NKX1-2: variants seen among roughly 807,000 people sequenced by gnomAD.
NKX1-2 encodes NK1 homeobox 2.
A neutral mutation model predicts 4.4 loss-of-function variants in NKX1-2; 1 was observed. The observed-to-expected ratio is 0.23, with a 90% CI of 0.08 to 1.08. The LOEUF is 1.08. Ranked by LOEUF, NKX1-2 falls within the 50% of genes least tolerant of loss-of-function variation. The pLI, the probability that NKX1-2 is intolerant of heterozygous loss-of-function variation, is 0.55. For synonymous variants in NKX1-2, 235 were observed against 228.0 expected, an observed-to-expected ratio of 1.03 and a Z score of -0.28; for missense variants, 503 against 464.6, an observed-to-expected ratio of 1.08 and a Z score of -0.76.
In NKX1-2 at chr10:124,448,162, G is replaced by T; in HGVS notation, c.215-15C>A. The T allele has an allele frequency of 6.9e-7, 1 of 1,441,116 alleles. No individual in the cohort carries two copies. The highest frequency in any genetic ancestry group is 9.1e-7 in the Non-Finnish European group (1 of 1,104,868). 89.3% of individuals were successfully genotyped at this position (1,441,116 alleles called of 1,614,324 possible). The stretch of plus-strand genomic sequence containing the variant: ...GCCCGCAGCATCTAGGGGAGAAGGG[G>T]TCGGTGAACAGAAGCCTCTCCAGGT... On this transcript the variant is annotated splice_polypyrimidine_tract_variant and intron_variant, in intron 1 of 1. Transcript: ENST00000451024. This position sits in a 1 kb window ranked among gnomAD's most constrained non-coding sequence, Gnocchi z 4.1.
In NKX1-2 at chr10:124,450,022, G is replaced by A. The variant is rs926032260; in HGVS notation, c.-79C>T. 47 of 1,143,588 alleles carry A rather than the reference G, an allele frequency of 4.1e-5. No homozygotes were observed. The highest frequency in any genetic ancestry group is 5.5e-5 in the Non-Finnish European group (47 of 847,136). 70.8% of individuals were successfully genotyped at this position (1,143,588 alleles called of 1,614,324 possible). On this transcript the variant is annotated 5_prime_UTR_variant, in exon 1 of 2. Transcript: ENST00000451024. Reference sequence around the variant, plus strand: ...TCGGGCTTGCCTTCGGCTGTGGCTTGGCGGTAGCTTTCCAGCCAGGAGCCG... The same window carrying A: ...TCGGGCTTGCCTTCGGCTGTGGCTTAGCGGTAGCTTTCCAGCCAGGAGCCG...
In NKX1-2 at chr10:124,446,013, G is replaced by A. The variant is rs1325816736; in HGVS notation, c.*1416C>T. On this transcript the variant is annotated 3_prime_UTR_variant, in exon 2 of 2. Transcript: ENST00000451024. ...CTACCAAAAAATAGCAAGGAATATG[G>A]TATCCACACAGATCTCGGCTGGCCT... 1 of 152,104 alleles carries A rather than the reference G, an allele frequency of 6.6e-6. No individual in the cohort carries two copies. The highest frequency in any genetic ancestry group is 2.4e-5 in the African/African-American group (1 of 41,398). 9.4% of individuals were successfully genotyped at this position (152,104 alleles called of 1,614,324 possible).
Position 124,449,802 on chromosome 10 carries a change from T to C in NKX1-2, c.142A>G (p.Lys48Glu). 1 of 1,551,672 alleles carries C rather than the reference T, an allele frequency of 6.4e-7. No individual in the cohort carries two copies. Among genetic ancestry groups the C allele is most frequent in the Non-Finnish European group, 8.7e-7 (1 of 1,146,974 alleles). ...AVRPAPREAR[K>E]SLAEVEAGKD... ...CCCGCTTCGACCTCCGCCAAACTTT[T>C]CCTGGCTTCCCGGGGAGCCGGGCGC... Residue 48 changes from lysine to glutamate, a missense_variant, in exon 1 of 2, where the codon AAA becomes GAA. Physicochemically the swap from Lys to Glu is moderately conservative, Grantham distance 56. Transcript: ENST00000451024. The surrounding 1 kb of genome is among the most constrained non-coding windows in gnomAD (Gnocchi z 7.5).
At position 124,446,154 on chromosome 10, in the gene NKX1-2, C is replaced by T. The variant is rs2133790313; in HGVS notation, c.*1275G>A. 6.6e-6 allele frequency: 1 copy of T among 152,140 alleles called. No homozygotes were observed. Among genetic ancestry groups the T allele is most frequent in the Middle Eastern group, 3.4e-3 (1 of 294 alleles). The allele number at this position is 152,140 out of a possible 1,614,324, so 9.4% of individuals were successfully genotyped here. The stretch of plus-strand genomic sequence containing the variant: ...AAAACTAAAGGAAATGTATTCCAAG[C>T]AAAAGTGGCAAGGGAATTTCACAGA... On this transcript the variant is annotated 3_prime_UTR_variant, in exon 2 of 2. Transcript: ENST00000451024.
chr10:124,447,607 C>G lies in NKX1-2; in HGVS notation c.755G>C (p.Ser252Thr). The G allele has an allele frequency of 7.8e-7, 1 of 1,280,518 alleles. No individual in the cohort carries two copies. The highest frequency in any genetic ancestry group is 1.5e-5 in the African/African-American group (1 of 64,750). The allele number at this position is 1,280,518 out of a possible 1,614,324, so 79.3% of individuals were successfully genotyped here. The change falls in exon 2 of 2, where the codon AGT becomes ACT. Residue 252 changes from serine (S) to threonine (T), a missense_variant. Physicochemically the swap from Ser to Thr is moderately conservative, Grantham distance 58. Transcript: ENST00000451024. ...AGCGCCGGTGCCGGGAGGGCCAGGA[C>G]TGCCCCCCGAGCCGCCGCCGCCGCC... ...GGGGGGGSGGSPGPPGTGALH... is the reference protein window; with the variant it reads ...GGGGGGGSGGTPGPPGTGALH...
In NKX1-2 at chr10:124,450,005, G is replaced by C. The variant is rs2133792869; in HGVS notation, c.-62C>G. 4.0e-6 allele frequency: 5 copies of C among 1,255,444 alleles called. No homozygotes were observed. The highest frequency in any genetic ancestry group is 1.5e-5 in the South Asian group (1 of 64,862). The allele number at this position is 1,255,444 out of a possible 1,614,324, so 77.8% of individuals were successfully genotyped here. On this transcript the variant is annotated 5_prime_UTR_variant, in exon 1 of 2. Coordinates refer to ENST00000451024, the MANE Select transcript of NKX1-2 (RefSeq NM_001146340.3). ...GTTGGGGATGGCGCCGCTCGGGCTT[G>C]CCTTCGGCTGTGGCTTGGCGGTAGC...
Position 124,447,154 on chromosome 10 carries a change from C to T in NKX1-2, c.*275G>A. ...GTTAGCCCCGCGCCGAACACCCAGA[C>T]CCTCAAAAACTAGCCCCTGAACTGA... On this transcript the variant is annotated 3_prime_UTR_variant, in exon 2 of 2. Coordinates refer to ENST00000451024, the MANE Select transcript of NKX1-2 (RefSeq NM_001146340.3). The T allele has an allele frequency of 3.1e-6, 1 of 325,612 alleles. No homozygotes were observed. Among genetic ancestry groups the T allele is most frequent in the Non-Finnish European group, 5.6e-6 (1 of 179,986 alleles). The allele number at this position is 325,612 out of a possible 1,614,324, so 20.2% of individuals were successfully genotyped here. A position where few individuals can be genotyped will look rare whatever the true frequency, so the allele number is the denominator to read the frequency against.
rs1952239066 is a variant in NKX1-2 at position 124,446,607 on chromosome 10, C to T, written c.*822G>A. On this transcript the variant is annotated 3_prime_UTR_variant, in exon 2 of 2. Transcript: ENST00000451024. ...GACTTCATGATATTAGTTGAGCCAT[C>T]GCTGCCTTCATTATCATTTTTATGC... 1 of 152,314 alleles carries T rather than the reference C, an allele frequency of 6.6e-6. No individual in the cohort carries two copies. Among genetic ancestry groups the T allele is most frequent in the South Asian group, 2.1e-4 (1 of 4,824 alleles). 9.4% of individuals were successfully genotyped at this position (152,314 alleles called of 1,614,324 possible).
rs763440828 is a variant in NKX1-2, at chr10:124,447,127, T to C, written c.*302A>G. 73 of 267,272 alleles carry C rather than the reference T, an allele frequency of 2.7e-4. No homozygotes were observed. Among genetic ancestry groups the C allele is most frequent in the Non-Finnish European group, 4.6e-4 (66 of 142,812 alleles). The allele number at this position is 267,272 out of a possible 1,614,324, so 16.6% of individuals were successfully genotyped here. ...TCCCTGTATTTCCCTCCTGGCATCT[T>C]GGTTAGCCCCGCGCCGAACACCCAG... is the stretch of plus-strand genomic sequence containing the variant. On this transcript the variant is annotated 3_prime_UTR_variant, in exon 2 of 2. Transcript: ENST00000451024.
At position 124,448,376 on chromosome 10, in the gene NKX1-2, G is replaced by A; in HGVS notation, c.215-229C>T. On this transcript the variant is annotated intron_variant, in intron 1 of 1. Coordinates refer to ENST00000451024, the MANE Select transcript of NKX1-2 (RefSeq NM_001146340.3). This position sits in a 1 kb window ranked among gnomAD's most constrained non-coding sequence, Gnocchi z 4.1. ...TCAAGTAGGCGTCCAAGAAATGTAC[G>A]CCAAATGAATGAATGACACCCCGCA... 1 of 523,888 alleles carries A rather than the reference G, an allele frequency of 1.9e-6. No homozygotes were observed. Among genetic ancestry groups the A allele is most frequent in the Non-Finnish European group, 2.9e-6 (1 of 339,288 alleles). 32.5% of individuals were successfully genotyped at this position (523,888 alleles called of 1,614,324 possible). A position where few individuals can be genotyped will look rare whatever the true frequency, so the allele number is the denominator to read the frequency against.
In NKX1-2 at chr10:124,448,069, G is replaced by A; in HGVS notation, c.293C>T (p.Pro98Leu). 19 of 1,522,472 alleles carry A rather than the reference G, an allele frequency of 1.2e-5. No individual in the cohort carries two copies. The highest frequency in any genetic ancestry group is 1.7e-5 in the Non-Finnish European group (19 of 1,140,206). The allele number at this position is 1,522,472 out of a possible 1,614,324, so 94.3% of individuals were successfully genotyped here. ...CCGCTCCCGCAGCCGCGGCCTCCTC[G>A]GATCCTCCGCATCCTCCTCCTCTTC... ...EAEEEEDAED[P>L]RRPRLRERAA... The change falls in exon 2 of 2, where the codon CCG becomes CTG. Residue 98 changes from proline to leucine, a missense_variant. Pro to Leu is a moderately conservative substitution (Grantham distance 98, BLOSUM62 -3). Coordinates refer to ENST00000451024, the MANE Select transcript of NKX1-2 (RefSeq NM_001146340.3). This position sits in a 1 kb window ranked among gnomAD's most constrained non-coding sequence, Gnocchi z 4.1.
Position 124,447,808 on chromosome 10 carries a change from G to A in NKX1-2, c.554C>T (p.Thr185Met). Residue 185 changes from threonine (T) to methionine (M), a missense_variant, in exon 2 of 2, where the codon ACG (threonine) becomes ATG (methionine). By Grantham distance (81) the Thr-to-Met change is moderately conservative. Coordinates refer to ENST00000451024, the MANE Select transcript of NKX1-2 (RefSeq NM_001146340.3). ...GCGCTCGCACACTGACAGGTAGCGC[G>A]TGGCCCGGAACTTGTTCTCCAAGGC... Reference protein sequence around the residue: ...LVALENKFRATRYLSVCERLN... With the variant: ...LVALENKFRAMRYLSVCERLN... 3.4e-6 allele frequency: 5 copies of A among 1,481,404 alleles called. No individual in the cohort carries two copies. The South Asian group carries it at 3.9e-5, about 12-fold the overall frequency. The allele number at this position is 1,481,404 out of a possible 1,614,324, so 91.8% of individuals were successfully genotyped here. A position where few individuals can be genotyped will look rare whatever the true frequency, so the allele number is the denominator to read the frequency against.
chr10:124,449,657 C>A lies in NKX1-2; in HGVS notation c.214+73G>T. On this transcript the variant is annotated intron_variant, in intron 1 of 1. Coordinates refer to ENST00000451024, the MANE Select transcript of NKX1-2 (RefSeq NM_001146340.3). The surrounding 1 kb of genome is among the most constrained non-coding windows in gnomAD (Gnocchi z 7.5). ...CGCTGTTAAGGGCCACTCACCGGGC[C>A]CGGCTGTTCCCCCATACACTCCGCA... The A allele has an allele frequency of 3.5e-6, 4 of 1,149,128 alleles. No homozygotes were observed. Among genetic ancestry groups the A allele is most frequent in the African/African-American group, 1.5e-5 (1 of 65,684 alleles). 71.2% of individuals were successfully genotyped at this position (1,149,128 alleles called of 1,614,324 possible). A position where few individuals can be genotyped will look rare whatever the true frequency, so the allele number is the denominator to read the frequency against.
At position 124,448,135 on chromosome 10, in the gene NKX1-2, G is replaced by A. The variant is rs774105717; in HGVS notation, c.227C>T (p.Pro76Leu). The A allele has an allele frequency of 3.4e-6, 5 of 1,486,746 alleles. No individual in the cohort carries two copies. The African/African-American group carries it at 7.3e-5, about 22-fold the overall frequency. 92.1% of individuals were successfully genotyped at this position (1,486,746 alleles called of 1,614,324 possible). ...CAGGGGGGACGCCTGGCCGGCGCCT[G>A]GGCCCGCAGCATCTAGGGGAGAAGG... ...RQLETPDAAGPGAGQASPLEG... is the reference protein window; with the variant it reads ...RQLETPDAAGLGAGQASPLEG... Residue 76 changes from proline to leucine, a missense_variant, in exon 2 of 2, where the codon CCA becomes CTA. Coordinates refer to ENST00000451024, the MANE Select transcript of NKX1-2 (RefSeq NM_001146340.3). This position sits in a 1 kb window ranked among gnomAD's most constrained non-coding sequence, Gnocchi z 4.1.
rs1952267630 is a variant in NKX1-2 at position 124,448,547 on chromosome 10, AAAG to A, written c.215-403_215-401del. 6.3e-6 allele frequency: 1 copy of A among 159,768 alleles called. No homozygotes were observed. The highest frequency in any genetic ancestry group is 6.5e-5 in the Admixed American group (1 of 15,476). 9.9% of individuals were successfully genotyped at this position (159,768 alleles called of 1,614,324 possible). The stretch of plus-strand genomic sequence containing the variant: ...TGATCTAGGACTCCCAGCAATTAAA[AAAG>A]AAGTTATTAAGCTCTCTGCCCCACC... On this transcript the variant is annotated intron_variant, in intron 1 of 1. Coordinates refer to ENST00000451024, the MANE Select transcript of NKX1-2 (RefSeq NM_001146340.3). The surrounding 1 kb of genome is among the most constrained non-coding windows in gnomAD (Gnocchi z 4.1).
chr10:124,449,597 G>T lies in NKX1-2; in HGVS notation c.214+133C>A. On this transcript the variant is annotated intron_variant, in intron 1 of 1. Coordinates refer to ENST00000451024, the MANE Select transcript of NKX1-2 (RefSeq NM_001146340.3). The surrounding 1 kb of genome is among the most constrained non-coding windows in gnomAD (Gnocchi z 7.5). ...AAGTCCGAGGCGGGGGCTACACTTC[G>T]CACCCGGTCCCGTGCGCCTTCTCTC... The T allele has an allele frequency of 2.7e-6, 2 of 752,366 alleles. No individual in the cohort carries two copies. Among genetic ancestry groups the T allele is most frequent in the South Asian group, 2.9e-5 (2 of 67,960 alleles). The allele number at this position is 752,366 out of a possible 1,614,324, so 46.6% of individuals were successfully genotyped here.
Position 124,447,350 on chromosome 10 carries a change from C to G in NKX1-2, c.*79G>C. The G allele has an allele frequency of 1.1e-6, 1 of 905,676 alleles. No homozygotes were observed. Among genetic ancestry groups the G allele is most frequent in the Non-Finnish European group, 1.4e-6 (1 of 692,666 alleles). The allele number at this position is 905,676 out of a possible 1,614,324, so 56.1% of individuals were successfully genotyped here. ...GCGCTGACACCCGCGCACCTGCACC[C>G]CCGGTGGAGGAGCCGAGGGCACACG... On this transcript the variant is annotated 3_prime_UTR_variant, in exon 2 of 2. Transcript: ENST00000451024.
At position 124,450,029 on chromosome 10, in the gene NKX1-2, G is replaced by A; in HGVS notation, c.-86C>T. 1 of 981,462 alleles carries A rather than the reference G, an allele frequency of 1.0e-6. No individual in the cohort carries two copies. The highest frequency in any genetic ancestry group is 1.4e-6 in the Non-Finnish European group (1 of 726,160). The allele number at this position is 981,462 out of a possible 1,614,324, so 60.8% of individuals were successfully genotyped here. ...TGCCTTCGGCTGTGGCTTGGCGGTA[G>A]CTTTCCAGCCAGGAGCCGGGTCCGC... On this transcript the variant is annotated 5_prime_UTR_variant, in exon 1 of 2. Transcript: ENST00000451024.
In NKX1-2 at chr10:124,448,096, G is replaced by T. The variant is rs1342833464; in HGVS notation, c.266C>A (p.Ala89Glu). 3 of 1,518,112 alleles carry T rather than the reference G, an allele frequency of 2.0e-6. No individual in the cohort carries two copies. Among genetic ancestry groups the T allele is most frequent in the Non-Finnish European group, 2.6e-6 (3 of 1,138,134 alleles). The allele number at this position is 1,518,112 out of a possible 1,614,324, so 94.0% of individuals were successfully genotyped here. The change falls in exon 2 of 2, where the codon GCG becomes GAG. Residue 89 changes from alanine (A) to glutamate (E), a missense_variant. Coordinates refer to ENST00000451024, the MANE Select transcript of NKX1-2 (RefSeq NM_001146340.3). This position sits in a 1 kb window ranked among gnomAD's most constrained non-coding sequence, Gnocchi z 4.1. ...ATCCTCCGCATCCTCCTCCTCTTCCGCCTCGGAACCCTCCAGGGGGGACGC... is the reference window on the plus strand; with the variant it reads ...ATCCTCCGCATCCTCCTCCTCTTCCTCCTCGGAACCCTCCAGGGGGGACGC... ...GQASPLEGSE[A>E]EEEEDAEDPR...
Sources: allele counts gnomAD v4.1 joint callset, GRCh38; gene constraint gnomAD v4.1.1; non-coding constraint Gnocchi (gnomAD v3.1); transcripts MANE v1.5; gene names NCBI Gene and HGNC (gene_info 2026-07-23, HGNC 2026-07-21).